The following MORN1 variants were observed in gnomAD, a reference collection of about 807,000 sequenced individuals.
MORN1 encodes MORN repeat-containing protein 1.
MORN1 carries 67 observed loss-of-function variants against 61.9 expected under a neutral mutation model. The observed-to-expected ratio is 1.08, with a 90% CI of 0.89 to 1.33. The LOEUF is 1.33. Among genes scored for constraint, MORN1 ranks in the 40% most tolerant of loss-of-function variants. The probability of loss-of-function intolerance (pLI) is 0.00; values close to 1 mark genes in which losing one functional copy is unlikely to be tolerated. For synonymous variants in MORN1, 301 were observed against 292.0 expected (o/e 1.03, Z -0.31); for missense variants, 752 against 691.2 (o/e 1.09, Z -0.99).
Position 2,364,432 on chromosome 1 carries a change from T to G in MORN1, c.746-5717A>C, listed in dbSNP as rs560680443. ...ATGGGGTTGTTTTTTTCTTGTAAATTTGAGTTCATTGTAGATTCTGGATAT... is the reference window on the plus strand; with the variant it reads ...ATGGGGTTGTTTTTTTCTTGTAAATGTGAGTTCATTGTAGATTCTGGATAT... On this transcript the variant is annotated intron_variant, in intron 8 of 13. Coordinates refer to ENST00000378531, the MANE Select transcript of MORN1 (RefSeq NM_024848.3). Among the ~76,000 whole-genome samples the G allele has an allele frequency of 2.4e-3, 344 of 141,488 alleles. 2 individuals are homozygous for G. The highest frequency in any genetic ancestry group is 8.5e-3 in the African/African-American group (326 of 38,464). The allele number at this position is 141,488 out of a possible 152,430, so 92.8% of individuals were successfully genotyped here. A position where few individuals can be genotyped will look rare whatever the true frequency, so the allele number is the denominator to read the frequency against.
At chr1:2,344,761 T>A (rs2843137) in intron 10 of MORN1, among the ~76,000 whole-genome samples, 28,387 of 152,094 alleles carry the variant, frequency 0.19, 2,878 homozygotes, top group Non-Finnish European at 0.24. Flanking sequence ...CCACAACAGC[T>A]GCCTGCAGAG....
intron 12 of MORN1, chr1:2,332,839 G>A (rs1327504093): frequency 1.7e-5 from 7 of 409,820 alleles, no homozygotes; most frequent in Admixed American, 5.4e-5. Flanking sequence ...AGGACCCCAG[G>A]GTCTCAGAGG....
Position 2,374,456 on chromosome 1 carries a change from C to T in MORN1, c.634+5G>A, listed in dbSNP as rs758982972. On this transcript the variant is annotated splice_donor_5th_base_variant and intron_variant, in intron 7 of 13. Coordinates refer to ENST00000378531, the MANE Select transcript of MORN1 (RefSeq NM_024848.3). Reference sequence around the variant, plus strand: ...CAGTGCCCACAGGAAGGCAGGGACACCTACCTGCTGGGTGGCCATTGATCC... The same window carrying T: ...CAGTGCCCACAGGAAGGCAGGGACATCTACCTGCTGGGTGGCCATTGATCC... 24 of 1,579,876 alleles carry T rather than the reference C, an allele frequency of 1.5e-5. 1 individual carries two copies. Among genetic ancestry groups the T allele is most frequent in the South Asian group, 9.3e-5 (8 of 85,966 alleles).
chr1:2,391,475 C>T lies in MORN1; in HGVS notation c.59G>A (p.Arg20Lys), dbSNP rs962760186. The T allele has an allele frequency of 5.6e-6, 7 of 1,255,868 alleles. No homozygotes were observed. In the African/African-American group the frequency reaches 9.3e-5, roughly 17 times the overall value. 77.8% of individuals were successfully genotyped at this position (1,255,868 alleles called of 1,614,324 possible). Residue 20 changes from arginine to lysine, a missense_variant, in exon 1 of 14, where the codon AGG becomes AAG. Physicochemically the swap from Arg to Lys is conservative, Grantham distance 26 (BLOSUM62 2). Transcript: ENST00000378531. ...SSRGPRRDPP[R>K]RPPRNGYGVY... ...GTCGTTACCGTTCCGGGGCGGCCGC[C>T]TAGGCGGGTCCCGACGCGGCCCGCG...
intron 10 of MORN1, among the ~76,000 whole-genome samples, chr1:2,342,882 T>TTTTATTTTATTTTATTTTATTTTA (rs1641432169): frequency 4.1e-5 from 4 of 97,716 alleles, no homozygotes; most frequent in Admixed American, 1.9e-4. Flanking sequence ...TTTTATTTTA[T>TTTTATTTTATTTTATTTTATTTTA]TTTATTTTAT....
chr1:2,338,290 C>T (rs965324001), intron 10 of MORN1, among the ~76,000 whole-genome samples: 1 of 152,192 alleles, frequency 6.6e-6, no homozygotes, highest in Non-Finnish European at 1.5e-5. Context: ...AGAAAGTCTT[C>T]CCTTCTGCAA....
intron 6 of MORN1, among the ~76,000 whole-genome samples, chr1:2,381,004 C>A (rs1006547155): frequency 6.6e-6 from 1 of 152,242 alleles, no homozygotes; most frequent in African/African-American, 2.4e-5. Context: ...CGTTTTCTCT[C>A]CAGGTTGAAG....
At chr1:2,381,901 C>A (rs1158442428) in intron 6 of MORN1, among the ~76,000 whole-genome samples, 2 of 152,222 alleles carry the variant, frequency 1.3e-5, no homozygotes, top group Non-Finnish European at 2.9e-5. Flanking sequence ...CAGTGTGGTG[C>A]CGGGACAGGG....
intron 8 of MORN1, among the ~76,000 whole-genome samples, chr1:2,361,610 G>A (rs143587900): frequency 1.2e-3 from 175 of 152,138 alleles, no homozygotes; most frequent in African/African-American, 4.1e-3. Flanking sequence ...TCAAACTTCT[G>A]GAGATGAAAA....
intron 10 of MORN1, among the ~76,000 whole-genome samples, chr1:2,348,712 CCTG>C (rs1190846490): frequency 7.6e-5 from 11 of 144,846 alleles, no homozygotes; most frequent in African/African-American, 2.6e-4. Context: ...CACACGCACA[CCTG>C]CGCGGGCACG....
chr1:2,390,021 G>T, intron 1 of MORN1, 25 bp from the exon 2 acceptor site: 1 of 1,592,074 alleles, frequency 6.3e-7, no homozygotes, highest in Non-Finnish European at 8.6e-7. Flanking sequence ...GACACACACA[G>T]GTAAGCACAG....
chr1:2,387,044 T>G (rs1642513846), intron 4 of MORN1: 1 of 234,414 alleles, frequency 4.3e-6, no homozygotes, highest in Non-Finnish European at 8.6e-6. Context: ...GCTGTGACTA[T>G]AGCCATTTAG....
intron 7 of MORN1, among the ~76,000 whole-genome samples, chr1:2,373,381 G>C (rs1434515667): frequency 1.3e-5 from 2 of 152,270 alleles, no homozygotes; most frequent in African/African-American, 4.8e-5. Context: ...GGCAAAGCCA[G>C]AGCCCACCTT....
At chr1:2,340,763 C>T (rs1557872779) in intron 10 of MORN1, among the ~76,000 whole-genome samples, 2 of 152,038 alleles carry the variant, frequency 1.3e-5, no homozygotes, top group Admixed American at 6.6e-5. Context: ...CAGGCCACGG[C>T]GAGGGCCGCC....
chr1:2,387,673 T>G (rs1265411712), intron 3 of MORN1, 144 bp from the exon 4 acceptor site: 9 of 640,064 alleles, frequency 1.4e-5, no homozygotes, highest in Non-Finnish European at 2.5e-5. Context: ...CTCAGTCTGC[T>G]TCATGAGGGA....
intron 1 of MORN1, chr1:2,390,524 T>C: frequency 1.0e-6 from 1 of 985,362 alleles, no homozygotes; most frequent in Non-Finnish European, 1.2e-6. Flanking sequence ...ACCCGCCAAC[T>C]CCTGCAGTTC....
chr1:2,348,720 G>GGCACGCACGCGCAC, intron 10 of MORN1, among the ~76,000 whole-genome samples: 1 of 124,230 alleles, frequency 8.0e-6, no homozygotes, highest in Middle Eastern at 4.3e-3. Flanking sequence ...CACCTGCGCG[G>GGCACGCACGCGCAC]GCACGCACAC....
At chr1:2,384,116 C>G (rs1304890381) in intron 6 of MORN1, among the ~76,000 whole-genome samples, 1 of 152,152 alleles carries the variant, frequency 6.6e-6, no homozygotes, top group Non-Finnish European at 1.5e-5. Context: ...CTGAGTCGTC[C>G]TTGTTAGTGA....
Position 2,357,321 on chromosome 1 carries a change from G to A in MORN1, c.1036+111C>T, listed in dbSNP as rs1641797310. On this transcript the variant is annotated intron_variant, in intron 10 of 13. Transcript: ENST00000378531. The surrounding 1 kb of genome is among the most constrained non-coding windows in gnomAD (Gnocchi z 6.3). ...ACCCACGCGTGATGACTGACCCTGG[G>A]TGCGGCTTGCTCCTGCTCTGGCCTG... 2.5e-6 allele frequency: 3 copies of A among 1,209,344 alleles called. No homozygotes were observed. The highest frequency in any genetic ancestry group is 5.2e-5 in the Admixed American group (2 of 38,716). The allele number at this position is 1,209,344 out of a possible 1,614,324, so 74.9% of individuals were successfully genotyped here.
Sources: gnomAD v4.1 joint callset for allele counts (sites outside exome capture counted in the v4.1 genomes callset) on GRCh38, gnomAD v4.1.1 for gene constraint, Gnocchi (gnomAD v3.1) non-coding constraint, MANE v1.5 for transcripts, NCBI Gene and HGNC (gene_info 2026-07-23, HGNC 2026-07-21) for gene names.